The following SGCE variants were observed in gnomAD, a reference collection of about 807,000 sequenced individuals.
SGCE encodes the protein sarcoglycan epsilon, also known as epsilon-sarcoglycan.
In SGCE, 26 loss-of-function variants were observed where a neutral mutation model predicts 57.8. The observed-to-expected ratio is 0.45, with a 90% CI of 0.33 to 0.62. The LOEUF (loss-of-function observed/expected upper bound fraction) is 0.62, where lower values mean the gene tolerates loss of function less well. Among genes scored for constraint, SGCE ranks in the 20% least tolerant of loss-of-function variants. The pLI is 0.02. For synonymous variants in SGCE, 183 were observed against 189.5 expected, an observed-to-expected ratio of 0.97 and a Z score of 0.28; for missense variants, 468 against 548.6, an observed-to-expected ratio of 0.85 and a Z score of 1.47.
chr7:94,651,534 C>A (rs1032726970), intron 1 of SGCE, among the ~76,000 whole-genome samples: 12 of 152,222 alleles, frequency 7.9e-5, no homozygotes, highest in Admixed American at 6.5e-4. Flanking sequence ...ACAAGAGCAT[C>A]CTGCATCCTT....
chr7:94,585,664 G>A lies in SGCE; in HGVS notation c.1298-149C>T, dbSNP rs1024809072. 18 of 637,568 alleles carry A rather than the reference G, an allele frequency of 2.8e-5. No homozygotes were observed. The African/African-American group carries it at 3.1e-4, about 11-fold the overall frequency. The allele number at this position is 637,568 out of a possible 1,614,324, so 39.5% of individuals were successfully genotyped here. On this transcript the variant is annotated intron_variant, in intron 10 of 10. Transcript: ENST00000648936. ...ACATTGCATTATTTCTCTGTATTTGGTTTTTTTAAAAAACAGAAAACAAAA... is the reference window on the plus strand; with the variant it reads ...ACATTGCATTATTTCTCTGTATTTGATTTTTTTAAAAAACAGAAAACAAAA...
intron 1 of SGCE, among the ~76,000 whole-genome samples, chr7:94,655,647 A>T (rs1014920201): frequency 1.3e-5 from 2 of 152,110 alleles, no homozygotes; most frequent in Admixed American, 1.3e-4. Flanking sequence ...AACGACCCCC[A>T]GCTCTTTGCT....
chr7:94,653,356 G>A (rs2117114218), intron 1 of SGCE, among the ~76,000 whole-genome samples: 1 of 152,088 alleles, frequency 6.6e-6, no homozygotes, highest in East Asian at 1.9e-4. Context: ...TAGATAAAAT[G>A]TCTAAATACG....
chr7:94,600,894 C>G, intron 6 of SGCE, 37 bp from the exon 7 acceptor site: 1 of 1,488,060 alleles, frequency 6.7e-7, no homozygotes, highest in Non-Finnish European at 9.3e-7. Flanking sequence ...ACAAATTAAT[C>G]GTTGCAAACA....
At chr7:94,645,252 C>CAAAA (rs977306587) in intron 1 of SGCE, among the ~76,000 whole-genome samples, 6 of 152,090 alleles carry the variant, frequency 3.9e-5, no homozygotes, top group East Asian at 1.9e-4. Context: ...TGTACTTACA[C>CAAAA]AAAATGATAT....
intron 1 of SGCE, among the ~76,000 whole-genome samples, chr7:94,641,563 G>A (rs566775906): frequency 6.6e-6 from 1 of 152,264 alleles, no homozygotes; most frequent in East Asian, 1.9e-4. Context: ...GCATGTGGAA[G>A]TAAGGAAAAT....
At chr7:94,603,263 A>T (rs1799556460) in intron 6 of SGCE, 27 bp downstream of exon 6, 1 of 1,589,216 alleles carries the variant, frequency 6.3e-7, no homozygotes, top group Non-Finnish European at 8.6e-7. Context: ...TTTTAACTAA[A>T]CTTGCAAAAA....
At chr7:94,592,591 G>A (rs1797855528) in intron 9 of SGCE, among the ~76,000 whole-genome samples, 1 of 152,064 alleles carries the variant, frequency 6.6e-6, no homozygotes, top group Non-Finnish European at 1.5e-5. Context: ...ATAGAAAATT[G>A]TGTAAATTAG....
intron 5 of SGCE, among the ~76,000 whole-genome samples, chr7:94,614,553 G>A (rs1240703525): frequency 6.6e-6 from 1 of 151,976 alleles, no homozygotes; most frequent in Non-Finnish European, 1.5e-5. Context: ...TCCTACCTTC[G>A]GTACTCGCCC....
chr7:94,645,930 AT>A (rs1422053135), intron 1 of SGCE, among the ~76,000 whole-genome samples: 1 of 152,230 alleles, frequency 6.6e-6, no homozygotes, highest in East Asian at 1.9e-4. Context: ...AGGTGGCATT[AT>A]ATAATAATAC....
chr7:94,628,031 G>A (rs2116956555), intron 3 of SGCE, 171 bp downstream of exon 3: 1 of 560,874 alleles, frequency 1.8e-6, no homozygotes, highest in East Asian at 2.8e-5. Flanking sequence ...TATAAACAGA[G>A]AAGAATGGCA....
intron 1 of SGCE, among the ~76,000 whole-genome samples, chr7:94,641,483 A>T (rs1397441577): frequency 6.6e-6 from 1 of 152,216 alleles, no homozygotes; most frequent in East Asian, 1.9e-4. Context: ...GGGGGAAGAG[A>T]TTAAGGATAA....
chr7:94,632,787 T>C (rs1804914984), intron 1 of SGCE, among the ~76,000 whole-genome samples: 1 of 152,074 alleles, frequency 6.6e-6, no homozygotes, highest in Non-Finnish European at 1.5e-5. Context: ...TATTTACACC[T>C]ATGCTTCCTT....
chr7:94,602,617 CCTG>C (rs1418676888), intron 6 of SGCE, among the ~76,000 whole-genome samples: 2 of 151,830 alleles, frequency 1.3e-5, no homozygotes, highest in East Asian at 3.9e-4. Flanking sequence ...AAACAACTCT[CCTG>C]CTTTTCAGAT....
At chr7:94,639,892 T>A (rs1806130174) in intron 1 of SGCE, among the ~76,000 whole-genome samples, 1 of 152,136 alleles carries the variant, frequency 6.6e-6, no homozygotes. Flanking sequence ...CAGCAATGAC[T>A]AGCATAGGGG....
intron 10 of SGCE, chr7:94,586,958 G>A: frequency 1.0e-6 from 1 of 984,112 alleles, no homozygotes; most frequent in South Asian, 4.7e-5. Context: ...AGGAGATACT[G>A]TACTTTAGTC....
chr7:94,604,504 G>GT, intron 5 of SGCE, among the ~76,000 whole-genome samples: 1 of 151,832 alleles, frequency 6.6e-6, no homozygotes, highest in Middle Eastern at 3.4e-3. Flanking sequence ...CAGAGCTACA[G>GT]TAAGCAAGTC....
At chr7:94,611,683 T>A (rs993974095) in intron 5 of SGCE, among the ~76,000 whole-genome samples, 4 of 152,194 alleles carry the variant, frequency 2.6e-5, no homozygotes, top group Non-Finnish European at 4.4e-5. Flanking sequence ...GTTATTTTTT[T>A]AAAATGAAAT....
chr7:94,611,260 T>C (rs905169487), intron 5 of SGCE, among the ~76,000 whole-genome samples: 14 of 152,164 alleles, frequency 9.2e-5, no homozygotes, highest in Non-Finnish European at 1.9e-4. Context: ...CATCAACTTA[T>C]AAATGGATAA....
Sources: allele counts gnomAD v4.1 joint callset (sites outside exome capture counted in the v4.1 genomes callset), GRCh38; gene constraint gnomAD v4.1.1; transcripts MANE v1.5; gene names NCBI Gene and HGNC (gene_info 2026-07-23, HGNC 2026-07-21).